RHCE: variants seen among roughly 807,000 people sequenced by gnomAD.
RHCE encodes Rh blood group CcEe antigens.
RHCE carries 22 observed loss-of-function variants against 43.8 expected under a neutral mutation model. The observed-to-expected ratio is 0.50, with a 90% CI of 0.36 to 0.72. The LOEUF (loss-of-function observed/expected upper bound fraction) is 0.72, where lower values mean the gene tolerates loss of function less well. RHCE is among the 30% of genes least tolerant of loss of function. The probability of loss-of-function intolerance (pLI) is 0.00; values close to 1 mark genes in which losing one functional copy is unlikely to be tolerated. For missense variants in RHCE, 385 were observed against 525.4 expected, an observed-to-expected ratio of 0.73 and a Z score of 2.61; for synonymous variants, 156 against 210.7, an observed-to-expected ratio of 0.74 and a Z score of 2.25.
At chr1:25,369,500 G>A (rs1291783133) in intron 9 of RHCE, among the ~76,000 whole-genome samples, 1 of 151,300 alleles carries the variant, frequency 6.6e-6, no homozygotes, top group East Asian at 1.9e-4. Context: ...GAGAGTGGGA[G>A]GGGAGGCAGG....
At chr1:25,376,108 T>C (rs1193023697) in intron 7 of RHCE, among the ~76,000 whole-genome samples, 1 of 152,066 alleles carries the variant, frequency 6.6e-6, no homozygotes, top group Non-Finnish European at 1.5e-5. Flanking sequence ...GTTTTCTCGT[T>C]AGGCAATTAA....
intron 1 of RHCE, among the ~76,000 whole-genome samples, chr1:25,418,242 GTC>G (rs1340176950): frequency 6.6e-6 from 1 of 152,162 alleles, no homozygotes; most frequent in Non-Finnish European, 1.5e-5. Context: ...GGCCAGGCTG[GTC>G]TCGAACTCCT....
chr1:25,384,910 A>G (rs1356384604), intron 7 of RHCE, among the ~76,000 whole-genome samples: 1 of 152,222 alleles, frequency 6.6e-6, no homozygotes, highest in Non-Finnish European at 1.5e-5. Flanking sequence ...AATGCCCAAC[A>G]CTTTTAAAGC....
intron 3 of RHCE, among the ~76,000 whole-genome samples, chr1:25,394,149 C>T (rs1027616821): frequency 2.8e-4 from 42 of 152,032 alleles, no homozygotes; most frequent in Admixed American, 2.6e-3. Flanking sequence ...CCACTGTGCC[C>T]GGCTAATTTT....
intron 3 of RHCE, chr1:25,399,290 C>T: frequency 1.2e-6 from 1 of 825,132 alleles, no homozygotes; most frequent in Non-Finnish European, 2.1e-6. Context: ...GAAGAAATAA[C>T]AGATAAGTCC....
exon 1 of RHCE, chr1:25,430,121 C>G (rs1017786896): frequency 6.6e-6 from 1 of 151,866 alleles, no homozygotes; most frequent in African/African-American, 2.4e-5. Flanking sequence ...ACTCGGCGCC[C>G]GCGGGGCCCA....
chr1:25,420,606 G>T (rs1296539123), intron 1 of RHCE, 33 bp downstream of exon 1: 5 of 1,613,882 alleles, frequency 3.1e-6, no homozygotes, highest in Non-Finnish European at 3.4e-6. Context: ...CCTGCTATTT[G>T]CTCCTGTGAC....
chr1:25,402,206 G>A (rs59818027), intron 3 of RHCE, among the ~76,000 whole-genome samples: 18,572 of 130,488 alleles, frequency 0.14, 3,693 homozygotes, highest in African/African-American at 0.46. Context: ...CTGTCTGTCT[G>A]TCTATCTATC....
upstream of RHCE, among the ~76,000 whole-genome samples, chr1:25,425,529 T>C (rs931038797): frequency 6.6e-6 from 1 of 152,232 alleles, no homozygotes; most frequent in Non-Finnish European, 1.5e-5. Context: ...CCAGTCTCAA[T>C]TTCCTTATGA....
In RHCE at chr1:25,362,544, A is replaced by G; in HGVS notation, c.1237T>C (p.Leu413=). ...DDQVFWKFPH[L]AVGF Reference sequence around the variant, plus strand: ...GCTTTTGCTTAAAATCCAACAGCCAAATGAGGAAACTGTAAAAGCAAAACA... The same window carrying G: ...GCTTTTGCTTAAAATCCAACAGCCAGATGAGGAAACTGTAAAAGCAAAACA... Residue 413 remains leucine, a synonymous_variant, in exon 10 of 10, where the codon TTG becomes CTG. Coordinates refer to ENST00000294413, the MANE Select transcript of RHCE (RefSeq NM_020485.8). 1 of 1,584,628 alleles carries G rather than the reference A, an allele frequency of 6.3e-7. No individual in the cohort carries two copies. Among genetic ancestry groups the G allele is most frequent in the East Asian group, 2.2e-5 (1 of 44,552 alleles).
rs772013884 is a variant in RHCE, at chr1:25,420,779, G to A, written c.8C>T (p.Ser3Phe). The A allele has an allele frequency of 8.7e-6, 14 of 1,608,652 alleles. No homozygotes were observed. The highest frequency in any genetic ancestry group is 1.2e-5 in the Non-Finnish European group (14 of 1,177,376). ...GCGCCGGACAGACCGCGGGTACTTAGAGCTCATCCTGTGTCCGTCTCTGTG... is the reference window on the plus strand; with the variant it reads ...GCGCCGGACAGACCGCGGGTACTTAAAGCTCATCCTGTGTCCGTCTCTGTG... MS[S>F]KYPRSVRRCL... The change falls in exon 1 of 10, where the codon TCT (serine) becomes TTT (phenylalanine). Residue 3 changes from serine (S) to phenylalanine (F), a missense_variant. Ser to Phe is a radical substitution (Grantham distance 155). Transcript: ENST00000294413.
chr1:25,389,919 G>A (rs1358616376), intron 5 of RHCE, among the ~76,000 whole-genome samples: 1 of 152,078 alleles, frequency 6.6e-6, no homozygotes, highest in Non-Finnish European at 1.5e-5. Flanking sequence ...ACCCACTCCT[G>A]CCTTGCTAGG....
chr1:25,371,513 A>G (rs755369925), intron 8 of RHCE, among the ~76,000 whole-genome samples: 6 of 151,296 alleles, frequency 4.0e-5, no homozygotes, highest in Non-Finnish European at 7.4e-5. Context: ...TGGGACCACA[A>G]GTGTGTGCTA....
At chr1:25,409,040 T>G (rs1356161726) in intron 1 of RHCE, among the ~76,000 whole-genome samples, 171 bp from the exon 2 acceptor site, 1 of 123,034 alleles carries the variant, frequency 8.1e-6, no homozygotes, top group Non-Finnish European at 1.8e-5. Context: ...AACTGAATAA[T>G]GGGGATAACA....
chr1:25,391,492 G>T (rs1316591320), intron 4 of RHCE, among the ~76,000 whole-genome samples: 3 of 148,372 alleles, frequency 2.0e-5, no homozygotes, highest in Non-Finnish European at 4.4e-5. Flanking sequence ...TGGCCCAAAC[G>T]CTTATTTTTT....
chr1:25,369,141 G>A (rs1645525063), intron 9 of RHCE, among the ~76,000 whole-genome samples: 1 of 151,804 alleles, frequency 6.6e-6, no homozygotes, highest in Non-Finnish European at 1.5e-5. Context: ...GGAGAGGAAG[G>A]AGAAGGAAAA....
At chr1:25,386,542 C>T (rs191403769) in intron 6 of RHCE, among the ~76,000 whole-genome samples, 59 of 152,272 alleles carry the variant, frequency 3.9e-4, no homozygotes, top group East Asian at 9.7e-4. Context: ...AAATCCAGGT[C>T]GGGCACGGTG....
chr1:25,429,221 GTTTTT>G (rs386366538), intron 1 of RHCE, among the ~76,000 whole-genome samples: 1 of 112,382 alleles, frequency 8.9e-6, no homozygotes, highest in African/African-American at 3.5e-5. Context: ...TTCCTGGGAA[GTTTTT>G]TTTTTTTTTT....
upstream of RHCE, among the ~76,000 whole-genome samples, chr1:25,421,169 A>C (rs2042755074): frequency 6.6e-6 from 1 of 152,230 alleles, no homozygotes; most frequent in Non-Finnish European, 1.5e-5. Context: ...CAATACTCCT[A>C]TTTTATAAAT....
Sources: gnomAD v4.1 joint callset for allele counts (sites outside exome capture counted in the v4.1 genomes callset) on GRCh38, gnomAD v4.1.1 for gene constraint, MANE v1.5 for transcripts, NCBI Gene and HGNC (gene_info 2026-07-23, HGNC 2026-07-21) for gene names.